The following KLHL29 variants were observed in gnomAD, a reference collection of about 807,000 sequenced individuals.
The protein encoded by KLHL29 is kelch like family member 29.
Under a neutral mutation model 80.4 loss-of-function variants are expected in KLHL29, and 21 were observed. The observed-to-expected ratio is 0.26, with a 90% CI of 0.19 to 0.38. The LOEUF (loss-of-function observed/expected upper bound fraction) is 0.38. KLHL29 is among the 10% of genes least tolerant of loss of function. The pLI is 1.00. For synonymous variants in KLHL29, 511 were observed against 526.8 expected, an observed-to-expected ratio of 0.97 and a Z score of 0.41; for missense variants, 867 against 1,223.9, an observed-to-expected ratio of 0.71 and a Z score of 4.35.
chr2:23,590,427 A>G (rs1187250572), intron 3 of KLHL29, among the ~76,000 whole-genome samples: 2 of 152,038 alleles, frequency 1.3e-5, no homozygotes, highest in Admixed American at 1.3e-4. Flanking sequence ...CTCTCCCCAG[A>G]TTGTTTCCTG....
chr2:23,597,317 G>A (rs1216589101), intron 3 of KLHL29, among the ~76,000 whole-genome samples: 4 of 134,324 alleles, frequency 3.0e-5, no homozygotes, highest in East Asian at 2.1e-4. Context: ...ATATGTGTGT[G>A]TGTGTGTGTG....
chr2:23,545,886 C>T (rs1273015600), intron 2 of KLHL29, among the ~76,000 whole-genome samples: 1 of 152,238 alleles, frequency 6.6e-6, no homozygotes, highest in African/African-American at 2.4e-5. Context: ...GACTCCCTTC[C>T]TCCCGCCTCA....
chr2:23,659,251 G>A (rs1292045818), intron 5 of KLHL29, among the ~76,000 whole-genome samples: 1 of 152,176 alleles, frequency 6.6e-6, no homozygotes, highest in Non-Finnish European at 1.5e-5. Context: ...CAGCGGCGCT[G>A]GGGGACTTAC....
intron 3 of KLHL29, among the ~76,000 whole-genome samples, chr2:23,608,370 C>A (rs928544790): frequency 1.3e-5 from 2 of 152,134 alleles, no homozygotes; most frequent in African/African-American, 4.8e-5. Flanking sequence ...CCCTGACTTG[C>A]AACTGAGTAT....
intron 1 of KLHL29, among the ~76,000 whole-genome samples, chr2:23,470,702 A>G (rs1664473014): frequency 6.6e-6 from 1 of 152,220 alleles, no homozygotes; most frequent in Non-Finnish European, 1.5e-5. Flanking sequence ...GCTGAAAATA[A>G]CGGATCTCAT....
chr2:23,452,183 ATT>A lies in KLHL29; in HGVS notation c.-153-23371_-153-23370del, dbSNP rs1553325361. Among the ~76,000 whole-genome samples the A allele has an allele frequency of 5.3e-3, 799 of 149,358 alleles. 8 individuals carry two copies. The highest frequency in any genetic ancestry group is 0.018 in the African/African-American group (711 of 40,352). On this transcript the variant is annotated intron_variant, in intron 1 of 13. Transcript: ENST00000486442. Reference sequence around the variant, plus strand: ...TGTCCCACCGTGCCCAGAAAAAAAAATTTTTTTCTTTTTTTTTTTTTAGAGAT... The same window carrying A: ...TGTCCCACCGTGCCCAGAAAAAAAAATTTTTCTTTTTTTTTTTTTAGAGAT...
intron 3 of KLHL29, among the ~76,000 whole-genome samples, chr2:23,626,127 A>G (rs11125146): frequency 0.35 from 53,733 of 152,062 alleles, 10,320 homozygotes; most frequent in East Asian, 0.63. Flanking sequence ...GGATGAAACT[A>G]TTCCACCTCC....
intron 4 of KLHL29, among the ~76,000 whole-genome samples, chr2:23,641,936 A>G (rs1184603888): frequency 6.6e-6 from 1 of 152,184 alleles, no homozygotes; most frequent in Admixed American, 6.5e-5. Context: ...GTGAGCTGAG[A>G]TCGCGCCACT....
At chr2:23,387,937 T>C (rs1273394156) in intron 1 of KLHL29, among the ~76,000 whole-genome samples, 1 of 152,242 alleles carries the variant, frequency 6.6e-6, no homozygotes, top group African/African-American at 2.4e-5. Context: ...CATATTTGCC[T>C]GTGATTAAGA....
intron 2 of KLHL29, among the ~76,000 whole-genome samples, chr2:23,489,685 G>A (rs981075691): frequency 1.3e-5 from 2 of 151,846 alleles, no homozygotes; most frequent in Non-Finnish European, 2.9e-5. Context: ...CTTCCTGCAG[G>A]GACGGCACTA....
At chr2:23,579,056 G>T (rs1376997860) in intron 3 of KLHL29, among the ~76,000 whole-genome samples, 1 of 152,212 alleles carries the variant, frequency 6.6e-6, no homozygotes, top group African/African-American at 2.4e-5. Context: ...CTCCCGTTCT[G>T]TTTGTTGGTG....
chr2:23,587,175 G>A (rs1484641230), intron 3 of KLHL29, among the ~76,000 whole-genome samples: 4 of 151,544 alleles, frequency 2.6e-5, no homozygotes, highest in African/African-American at 9.7e-5. Flanking sequence ...CTCTGAAGAC[G>A]CTCTTAACCA....
chr2:23,554,993 C>G (rs1410667239), intron 2 of KLHL29, among the ~76,000 whole-genome samples: 1 of 152,152 alleles, frequency 6.6e-6, no homozygotes, highest in Non-Finnish European at 1.5e-5. Flanking sequence ...GTAGCCCAAG[C>G]CTTTTGCAAG....
intron 2 of KLHL29, among the ~76,000 whole-genome samples, chr2:23,502,230 G>A (rs1222165322): frequency 4.6e-5 from 7 of 152,196 alleles, no homozygotes; most frequent in Admixed American, 4.6e-4. Context: ...TTCCGGGATC[G>A]CTTGCATGCA....
intron 2 of KLHL29, among the ~76,000 whole-genome samples, chr2:23,559,435 C>A (rs769958840): frequency 1.3e-5 from 2 of 151,880 alleles, no homozygotes; most frequent in African/African-American, 4.8e-5. Context: ...AGACTGGGGG[C>A]GGGCAGGCAG....
chr2:23,682,737 G>C lies in KLHL29; in HGVS notation c.941-1662G>C, dbSNP rs1163537414. 1.3e-5 allele frequency among the ~76,000 whole-genome samples: 2 copies of C among 151,966 alleles called. No individual in the cohort carries two copies. The highest frequency in any genetic ancestry group is 2.1e-4 in the South Asian group (1 of 4,804). On this transcript the variant is annotated intron_variant, in intron 5 of 13. Coordinates refer to ENST00000486442, the MANE Select transcript of KLHL29 (RefSeq NM_052920.2). This position sits in a 1 kb window ranked among gnomAD's most constrained non-coding sequence, Gnocchi z 4.1. ...TGGTGCTCTGAGCCTGTTGGTCTCT[G>C]TCTGTAGCTCCCACCCCCCTTGCTC...
intron 2 of KLHL29, among the ~76,000 whole-genome samples, chr2:23,530,576 T>A (rs1475450229): frequency 6.6e-6 from 1 of 152,174 alleles, no homozygotes; most frequent in Admixed American, 6.5e-5. Context: ...AACCCGCGCC[T>A]CCTGATGAAT....
chr2:23,443,137 T>G (rs13413299), intron 1 of KLHL29, among the ~76,000 whole-genome samples: 45,394 of 152,030 alleles, frequency 0.3, 6,945 homozygotes, highest in South Asian at 0.4. Flanking sequence ...TAGGGATACC[T>G]ACCACCTAGA....
chr2:23,386,309 C>G (rs1301717136), intron 1 of KLHL29, among the ~76,000 whole-genome samples: 1 of 152,190 alleles, frequency 6.6e-6, no homozygotes, highest in African/African-American at 2.4e-5. Flanking sequence ...CTCGCGTCCT[C>G]TGATCTCGCA....
Sources: gnomAD v4.1 joint callset for allele counts (sites outside exome capture counted in the v4.1 genomes callset) on GRCh38, gnomAD v4.1.1 for gene constraint, Gnocchi (gnomAD v3.1) non-coding constraint, MANE v1.5 for transcripts, NCBI Gene and HGNC (gene_info 2026-07-23, HGNC 2026-07-21) for gene names.